SHB: variants seen among roughly 807,000 people sequenced by gnomAD.
SHB encodes SH2 domain-containing adapter protein B.
A neutral mutation model predicts 52.3 loss-of-function variants in SHB; 20 were observed. That is an observed-to-expected ratio of 0.38 (90% confidence interval 0.27 to 0.56). SHB has a LOEUF of 0.56. SHB is among the 20% of genes least tolerant of loss of function. SHB has a pLI of 0.71. For missense variants in SHB, 825 were observed against 723.3 expected (o/e 1.14, Z -1.61); for synonymous variants, 397 against 316.5 (o/e 1.25, Z -2.70).
chr9:37,921,232 C>T (rs992811627), intron 5 of SHB, among the ~76,000 whole-genome samples: 3 of 152,206 alleles, frequency 2.0e-5, no homozygotes, highest in Admixed American at 1.3e-4. Flanking sequence ...CTGCCCCCAT[C>T]TCCACGGCCT....
intron 2 of SHB, among the ~76,000 whole-genome samples, chr9:37,997,515 C>G (rs1820960881): frequency 6.6e-6 from 1 of 152,196 alleles, no homozygotes; most frequent in Non-Finnish European, 1.5e-5. Flanking sequence ...CCCCACAGCG[C>G]AAAGTAAAGC....
rs777544557 is a variant in SHB, at chr9:37,919,778, C to G, written c.*43G>C. On this transcript the variant is annotated 3_prime_UTR_variant, in exon 6 of 6. Coordinates refer to ENST00000377707, the MANE Select transcript of SHB (RefSeq NM_003028.3). Reference sequence around the variant, plus strand: ...GTTGGTGGGGGGCCTCTGGCACCTCCAAGTCTCAGGCTCTGTCACAGAGCA... The same window carrying G: ...GTTGGTGGGGGGCCTCTGGCACCTCGAAGTCTCAGGCTCTGTCACAGAGCA... 6.4e-7 allele frequency: 1 copy of G among 1,564,650 alleles called. No homozygotes were observed. The highest frequency in any genetic ancestry group is 1.1e-5 in the South Asian group (1 of 88,844).
intron 2 of SHB, among the ~76,000 whole-genome samples, chr9:38,000,686 T>C (rs4878732): frequency 1 from 152,258 of 152,354 alleles, 76,081 homozygotes; most frequent in Middle Eastern, 1. Flanking sequence ...TGGGGGCTGC[T>C]CCTCAATTCA....
rs759340849 is a variant in SHB at position 37,937,462 on chromosome 9, ATAAG to A, written c.1346+11169_1346+11172del. On this transcript the variant is annotated intron_variant, in intron 5 of 5. Transcript: ENST00000377707. The stretch of plus-strand genomic sequence containing the variant: ...CTTGGGTGAAATAATCTTTAAAAAG[ATAAG>A]AAAAAAAAAAAAAGCAAAGCATTAT... Among the ~76,000 whole-genome samples the A allele has an allele frequency of 7.0e-4, 106 of 152,042 alleles. No individual in the cohort carries two copies. In the Middle Eastern group the frequency reaches 0.017, roughly 25 times the overall value.
At chr9:37,931,007 C>T (rs1401280944) in intron 5 of SHB, among the ~76,000 whole-genome samples, 1 of 152,096 alleles carries the variant, frequency 6.6e-6, no homozygotes, top group East Asian at 1.9e-4. Context: ...CAAGAAGACA[C>T]AATGGAGAAA....
intron 1 of SHB, among the ~76,000 whole-genome samples, chr9:38,038,968 G>A (rs539851189): frequency 6.6e-6 from 1 of 152,332 alleles, no homozygotes; most frequent in East Asian, 1.9e-4. Flanking sequence ...GGAGATGGAA[G>A]TTTTTTGAGA....
Position 38,009,046 on chromosome 9 carries a change from TGA to T in SHB, c.838+6963_838+6964del, listed in dbSNP as rs1438152114. 3.9e-5 allele frequency among the ~76,000 whole-genome samples: 6 copies of T among 152,152 alleles called. No homozygotes were observed. The East Asian group carries it at 1.2e-3, about 29-fold the overall frequency. On this transcript the variant is annotated intron_variant, in intron 2 of 5. Coordinates refer to ENST00000377707, the MANE Select transcript of SHB (RefSeq NM_003028.3). ...CAGGGGTCAGGGCTGACGGCAAATA[TGA>T]GAGGAAGGCTGAAGTCTCAGGCAGG...
At chr9:37,951,829 G>A (rs1832569490) in intron 4 of SHB, among the ~76,000 whole-genome samples, 1 of 152,258 alleles carries the variant, frequency 6.6e-6, no homozygotes, top group South Asian at 2.1e-4. Flanking sequence ...TGGATCTGGG[G>A]GCCGGGCCGG....
At chr9:37,988,803 T>C (rs1820843241) in intron 2 of SHB, among the ~76,000 whole-genome samples, 1 of 152,214 alleles carries the variant, frequency 6.6e-6, no homozygotes, top group African/African-American at 2.4e-5. Flanking sequence ...GTTGAAGGCC[T>C]GCATAGAACA....
Position 37,928,721 on chromosome 9 carries a change from T to C in SHB, c.1347-8717A>G, listed in dbSNP as rs142119072. Among the ~76,000 whole-genome samples, 25 of 152,304 alleles carry C rather than the reference T, an allele frequency of 1.6e-4. No individual in the cohort carries two copies. In the East Asian group the frequency reaches 3.7e-3, roughly 22 times the overall value. On this transcript the variant is annotated intron_variant, in intron 5 of 5. Coordinates refer to ENST00000377707, the MANE Select transcript of SHB (RefSeq NM_003028.3). Reference sequence around the variant, plus strand: ...TGAGGGGCAGATGAGAACCTCCACATGAAGTGTGAACGTCTGACGAATCCC... The same window carrying C: ...TGAGGGGCAGATGAGAACCTCCACACGAAGTGTGAACGTCTGACGAATCCC...
intron 1 of SHB, among the ~76,000 whole-genome samples, chr9:38,060,756 T>C (rs756684834): frequency 1.3e-5 from 2 of 152,204 alleles, no homozygotes; most frequent in Non-Finnish European, 2.9e-5. Flanking sequence ...CTCCATGAAA[T>C]CAAGGCCCTG....
At chr9:37,982,800 A>G (rs753154023) in intron 2 of SHB, among the ~76,000 whole-genome samples, 1 of 152,190 alleles carries the variant, frequency 6.6e-6, no homozygotes, top group Non-Finnish European at 1.5e-5. Flanking sequence ...ACTCTGTTTC[A>G]AAGAAAAAAA....
At chr9:38,009,523 G>C (rs554316914) in intron 2 of SHB, among the ~76,000 whole-genome samples, 1 of 152,382 alleles carries the variant, frequency 6.6e-6, no homozygotes, top group East Asian at 1.9e-4. Context: ...CCCAAGGGCA[G>C]AGCCAGGGGC....
At chr9:38,055,197 C>A (rs1199383257) in intron 1 of SHB, among the ~76,000 whole-genome samples, 3 of 152,212 alleles carry the variant, frequency 2.0e-5, no homozygotes, top group African/African-American at 7.2e-5. Context: ...GAACCACAGT[C>A]ATGTTCGGCA....
chr9:38,019,865 C>A (rs566370468), intron 1 of SHB, among the ~76,000 whole-genome samples: 15 of 151,884 alleles, frequency 9.9e-5, no homozygotes, highest in Non-Finnish European at 2.1e-4. Context: ...TAGTTCCATA[C>A]GATGTAACAT....
intron 3 of SHB, among the ~76,000 whole-genome samples, chr9:37,967,437 G>A (rs1037525219): frequency 5.9e-5 from 9 of 152,162 alleles, no homozygotes; most frequent in Non-Finnish European, 1.0e-4. Context: ...CACCCCACAC[G>A]CTGACAGTGT....
At chr9:37,968,294 T>G (rs1172032736) in intron 3 of SHB, among the ~76,000 whole-genome samples, 1 of 152,156 alleles carries the variant, frequency 6.6e-6, no homozygotes, top group Non-Finnish European at 1.5e-5. Context: ...ATTTTACAGA[T>G]AAGTAAACTA....
chr9:38,002,601 C>A (rs60334368), intron 2 of SHB, among the ~76,000 whole-genome samples: 1 of 152,160 alleles, frequency 6.6e-6, no homozygotes, highest in Non-Finnish European at 1.5e-5. Flanking sequence ...CCTCCTCCCA[C>A]ACCCTCCTCA....
In SHB at chr9:37,917,202, G is replaced by A. The variant is rs1282768894; in HGVS notation, c.*2619C>T. ...ACAATTAGAGGAAGAAGAGGGAGAG[G>A]TTCATAAAATTAAGGGAAAAAAATT... On this transcript the variant is annotated 3_prime_UTR_variant, in exon 6 of 6. Transcript: ENST00000377707. 1.3e-5 allele frequency among the ~76,000 whole-genome samples: 2 copies of A among 152,142 alleles called. No individual in the cohort carries two copies. The highest frequency in any genetic ancestry group is 2.9e-5 in the Non-Finnish European group (2 of 68,028).
Sources: allele counts gnomAD v4.1 joint callset (sites outside exome capture counted in the v4.1 genomes callset), GRCh38; gene constraint gnomAD v4.1.1; transcripts MANE v1.5; gene names NCBI Gene and HGNC (gene_info 2026-07-23, HGNC 2026-07-21).